MIDEAS: variants seen among roughly 807,000 people sequenced by gnomAD.
MIDEAS encodes mitotic deacetylase-associated SANT domain protein.
Under a neutral mutation model 102.7 loss-of-function variants are expected in MIDEAS, and 26 were observed. That is an observed-to-expected ratio of 0.25 (90% CI 0.19 to 0.35). The LOEUF (loss-of-function observed/expected upper bound fraction) is 0.35. MIDEAS is among the 10% of genes least tolerant of loss of function. The pLI is 1.00. For missense variants in MIDEAS, 1,231 were observed against 1,435.6 expected, an observed-to-expected ratio of 0.86 and a Z score of 2.30; for synonymous variants, 585 against 591.0, an observed-to-expected ratio of 0.99 and a Z score of 0.15.
At chr14:73,720,321 C>A (rs540148872) in intron 11 of MIDEAS, among the ~76,000 whole-genome samples, 2 of 150,754 alleles carry the variant, frequency 1.3e-5, no homozygotes, top group Non-Finnish European at 1.5e-5. Flanking sequence ...TCACTGCAAC[C>A]TCCGCCTCCT....
Position 73,755,645 on chromosome 14 carries a change from A to C in MIDEAS, c.-248+4118T>G, listed in dbSNP as rs147405886. On this transcript the variant is annotated intron_variant, in intron 1 of 12. Coordinates refer to ENST00000423556, the MANE Select transcript of MIDEAS (RefSeq NM_001367710.1). ...TGATCTCTGGGAAGCTGGGCCCTCA[A>C]CCCTCGGCTGCAGGGCCACAGTCCC... Among the ~76,000 whole-genome samples, 20 of 152,190 alleles carry C rather than the reference A, an allele frequency of 1.3e-4. 1 individual carries two copies. In the East Asian group the frequency reaches 3.9e-3, roughly 29 times the overall value.
upstream of MIDEAS, among the ~76,000 whole-genome samples, chr14:73,764,019 C>G (rs1222903445): frequency 1.3e-5 from 2 of 152,166 alleles, no homozygotes; most frequent in African/African-American, 4.8e-5. Context: ...TGTATCTCCT[C>G]CCCAACCTAG....
At chr14:73,784,418 C>T (rs1225351200) in intron 1 of MIDEAS, among the ~76,000 whole-genome samples, 2 of 152,272 alleles carry the variant, frequency 1.3e-5, no homozygotes, top group Non-Finnish European at 2.9e-5. Flanking sequence ...GAGGGGCCTG[C>T]ATGTGGCTCC....
chr14:73,736,050 A>C (rs1229962040), intron 3 of MIDEAS, among the ~76,000 whole-genome samples: 3 of 152,130 alleles, frequency 2.0e-5, no homozygotes, highest in Non-Finnish European at 4.4e-5. Flanking sequence ...CCAGCTACTA[A>C]GGAGGCTGAG....
At chr14:73,784,717 T>C (rs1307893074) in intron 1 of MIDEAS, among the ~76,000 whole-genome samples, 3 of 152,090 alleles carry the variant, frequency 2.0e-5, no homozygotes, top group Non-Finnish European at 1.5e-5. Context: ...AAAAACCAAA[T>C]GTCTCTAGAA....
At chr14:73,736,491 C>T (rs965932215) in intron 3 of MIDEAS, among the ~76,000 whole-genome samples, 1 of 151,916 alleles carries the variant, frequency 6.6e-6, no homozygotes, top group Non-Finnish European at 1.5e-5. Flanking sequence ...ATTAGCTGGG[C>T]GCGGTGGTGG....
At chr14:73,764,352 A>C (rs1489929742), upstream of MIDEAS, among the ~76,000 whole-genome samples, 8 of 151,414 alleles carry the variant, frequency 5.3e-5, no homozygotes, top group South Asian at 1.2e-3. Context: ...AAAAAAAAAA[A>C]AAAAAAAAAA....
intron 1 of MIDEAS, among the ~76,000 whole-genome samples, chr14:73,785,537 C>T (rs973759123): frequency 1.3e-5 from 2 of 152,232 alleles, no homozygotes; most frequent in Non-Finnish European, 2.9e-5. Flanking sequence ...CTACCACCTA[C>T]TAAGTTTCTG....
At chr14:73,745,274 C>T (rs2053337317) in intron 1 of MIDEAS, among the ~76,000 whole-genome samples, 3 of 152,212 alleles carry the variant, frequency 2.0e-5, no homozygotes, top group Admixed American at 2.0e-4. Flanking sequence ...GGCCCACAAG[C>T]CACCTGCCCT....
At position 73,786,234 on chromosome 14, in the gene MIDEAS, C is replaced by A. The variant is rs2053807338; in HGVS notation, c.-248+868G>T. Among the ~76,000 whole-genome samples the A allele has an allele frequency of 2.0e-5, 3 of 152,346 alleles. No homozygotes were observed. In the South Asian group the frequency reaches 6.2e-4, roughly 32 times the overall value. On this transcript the variant is annotated intron_variant, in intron 1 of 11. Transcript: ENST00000394071. The stretch of plus-strand genomic sequence containing the variant: ...GCCCCTAGTTACTCTGCAGGAATGT[C>A]CCAAACTTCTCAGCTGTTCTTTAAA...
intron 1 of MIDEAS, among the ~76,000 whole-genome samples, chr14:73,757,293 A>AAAAAAAAAAAAAAC (rs1566602278): frequency 2.7e-5 from 4 of 150,480 alleles, no homozygotes; most frequent in Non-Finnish European, 4.4e-5. Flanking sequence ...AAAAAAAAAA[A>AAAAAAAAAAAAAAC]ACACTAAACA....
chr14:73,729,426 T>G (rs1005060211), intron 4 of MIDEAS, among the ~76,000 whole-genome samples: 4 of 152,098 alleles, frequency 2.6e-5, no homozygotes, highest in African/African-American at 9.7e-5. Context: ...TAGTAAATGG[T>G]AGAATTGAGA....
intron 1 of MIDEAS, among the ~76,000 whole-genome samples, chr14:73,751,257 T>A (rs1327007138): frequency 1.3e-5 from 2 of 152,362 alleles, no homozygotes. Flanking sequence ...AAGCCAGGAC[T>A]GGCACCTAGG....
intron 11 of MIDEAS, among the ~76,000 whole-genome samples, chr14:73,719,776 G>C (rs976807972): frequency 4.8e-5 from 6 of 125,098 alleles, no homozygotes; most frequent in African/African-American, 1.7e-4. Flanking sequence ...GGGGATCTTG[G>C]TCTCTGGGTT....
chr14:73,738,864 A>G lies in MIDEAS; in HGVS notation c.1145T>C (p.Leu382Pro). 2 of 1,570,900 alleles carry G rather than the reference A, an allele frequency of 1.3e-6. No homozygotes were observed. Among genetic ancestry groups the G allele is most frequent in the Non-Finnish European group, 1.7e-6 (2 of 1,158,556 alleles). ...CAGGGAGCCAGGTGGCGGCTGCTGCAGGGGCCAGTGATGTAGGAACAGGTT... is the reference window on the plus strand; with the variant it reads ...CAGGGAGCCAGGTGGCGGCTGCTGCGGGGGCCAGTGATGTAGGAACAGGTT... Reference protein sequence around the residue: ...TGNLFLHHWPLQQPPPGSLGQ... With the variant: ...TGNLFLHHWPPQQPPPGSLGQ... Residue 382 changes from leucine to proline, a missense_variant, in exon 2 of 13, where the codon CTG becomes CCG. Physicochemically the swap from Leu to Pro is moderately conservative, Grantham distance 98 (BLOSUM62 -3). This residue lies in a region of MIDEAS where 758 missense variants were observed against 856.0 expected (regional missense o/e 0.89). Coordinates refer to ENST00000423556, the MANE Select transcript of MIDEAS (RefSeq NM_001367710.1).
chr14:73,758,810 G>C (rs896090872), intron 1 of MIDEAS: 6 of 154,508 alleles, frequency 3.9e-5, no homozygotes, highest in South Asian at 2.0e-4. Context: ...CTCCATGTCG[G>C]CCCGCCTTGG....
Position 73,718,590 on chromosome 14 carries a change from C to T in MIDEAS, c.*253G>A, listed in dbSNP as rs2052929437. ...CCCTCCCGAGGGGACCGGGACTCTC[C>T]CGGTCCAGGAAAGCACGAGGACAGC... On this transcript the variant is annotated 3_prime_UTR_variant, in exon 13 of 13. Coordinates refer to ENST00000423556, the MANE Select transcript of MIDEAS (RefSeq NM_001367710.1). The T allele has an allele frequency of 5.7e-6, 2 of 349,882 alleles. No homozygotes were observed. Among genetic ancestry groups the T allele is most frequent in the Non-Finnish European group, 1.0e-5 (2 of 196,994 alleles). 21.7% of individuals were successfully genotyped at this position (349,882 alleles called of 1,614,324 possible). A position where few individuals can be genotyped will look rare whatever the true frequency, so the allele number is the denominator to read the frequency against.
intron 1 of MIDEAS, among the ~76,000 whole-genome samples, chr14:73,780,936 GTTT>G (rs58847225): frequency 6.6e-6 from 1 of 150,798 alleles, no homozygotes; most frequent in East Asian, 2.0e-4. Flanking sequence ...AGTTTTTTTT[GTTT>G]TTTTGTTGTT....
At chr14:73,755,601 G>A (rs941205517) in intron 1 of MIDEAS, among the ~76,000 whole-genome samples, 4 of 152,174 alleles carry the variant, frequency 2.6e-5, no homozygotes, top group African/African-American at 7.2e-5. Flanking sequence ...TGGGCGGGTA[G>A]GTTCCTGAGA....
Sources: allele counts gnomAD v4.1 joint callset (sites outside exome capture counted in the v4.1 genomes callset), GRCh38; gene constraint gnomAD v4.1.1; regional missense constraint gnomAD v4.1.1; transcripts MANE v1.5; gene names NCBI Gene and HGNC (gene_info 2026-07-23, HGNC 2026-07-21).